WWOX: variants seen among roughly 807,000 people sequenced by gnomAD.
The protein encoded by WWOX is WW domain-containing oxidoreductase.
A neutral mutation model predicts 46.2 loss-of-function variants in WWOX; 69 were observed. That is an observed-to-expected ratio of 1.49 (90% CI 1.23 to 1.82). WWOX has a LOEUF of 1.82. Among genes scored for constraint, WWOX ranks in the 40% most tolerant of loss-of-function variants. The pLI is 0.00. For synonymous variants in WWOX, 359 were observed against 202.6 expected (o/e 1.77, Z -6.56); for missense variants, 919 against 542.6 (o/e 1.69, Z -6.89).
intron 8 of WWOX, among the ~76,000 whole-genome samples, chr16:78,488,565 G>C (rs1018365183): frequency 1.3e-5 from 2 of 152,122 alleles, no homozygotes; most frequent in Admixed American, 6.5e-5. Context: ...GCCCTACCTG[G>C]AGCCTGGGTC....
intron 8 of WWOX, among the ~76,000 whole-genome samples, chr16:78,797,339 A>G (rs188550016): frequency 4.2e-5 from 6 of 144,388 alleles, no homozygotes; most frequent in Middle Eastern, 7.0e-3. Flanking sequence ...AAGGTATGCA[A>G]TTTTAAGGGT....
At chr16:78,424,367 G>A (rs1021909863) in intron 6 of WWOX, among the ~76,000 whole-genome samples, 13 of 152,056 alleles carry the variant, frequency 8.5e-5, no homozygotes, top group Admixed American at 1.3e-4. Context: ...TGGTCCACCT[G>A]CCTTGGCCTC....
intron 8 of WWOX, among the ~76,000 whole-genome samples, chr16:78,685,592 A>T (rs1300358892): frequency 6.6e-6 from 1 of 152,248 alleles, no homozygotes; most frequent in African/African-American, 2.4e-5. Context: ...CAGTACGTAC[A>T]TAACTGTTCT....
chr16:78,893,784 C>T (rs933128148), intron 8 of WWOX, among the ~76,000 whole-genome samples: 2 of 152,144 alleles, frequency 1.3e-5, no homozygotes, highest in Non-Finnish European at 2.9e-5. Context: ...TTCCCTGCCC[C>T]TCTCACCTTC....
intron 8 of WWOX, among the ~76,000 whole-genome samples, chr16:78,853,217 AT>A (rs1382951352): frequency 2.0e-5 from 3 of 151,836 alleles, no homozygotes; most frequent in African/African-American, 7.3e-5. Context: ...AATTATTATT[AT>A]TTTTTTCTTT....
intron 8 of WWOX, among the ~76,000 whole-genome samples, chr16:78,906,082 G>C (rs543884630): frequency 3.3e-5 from 5 of 152,328 alleles, no homozygotes; most frequent in Admixed American, 2.6e-4. Context: ...TGTCTTCTTG[G>C]TTAGGGACCT....
At chr16:78,943,545 C>A (rs2045893390) in intron 8 of WWOX, among the ~76,000 whole-genome samples, 1 of 152,186 alleles carries the variant, frequency 6.6e-6, no homozygotes, top group African/African-American at 2.4e-5. Context: ...CAGCCTTGCT[C>A]TTGCAGTTTC....
intron 8 of WWOX, among the ~76,000 whole-genome samples, chr16:79,029,349 C>T (rs895196251): frequency 2.0e-5 from 3 of 152,222 alleles, no homozygotes; most frequent in East Asian, 1.9e-4. Context: ...GGTATGCAGT[C>T]TACATGCCTG....
chr16:78,862,456 A>G (rs925236135), intron 8 of WWOX, among the ~76,000 whole-genome samples: 5 of 151,892 alleles, frequency 3.3e-5, no homozygotes, highest in African/African-American at 9.7e-5. Flanking sequence ...ATAGTATTCA[A>G]TATAGATCTA....
intron 8 of WWOX, among the ~76,000 whole-genome samples, chr16:78,916,595 A>AAGACAAC (rs2045257563): frequency 6.6e-6 from 1 of 152,236 alleles, no homozygotes; most frequent in Non-Finnish European, 1.5e-5. Flanking sequence ...TAATTATACC[A>AAGACAAC]AGACAACAGA....
At chr16:78,766,388 G>T (rs186901643) in intron 8 of WWOX, among the ~76,000 whole-genome samples, 1 of 152,238 alleles carries the variant, frequency 6.6e-6, no homozygotes, top group East Asian at 1.9e-4. Context: ...TGAGGCTATG[G>T]CTTCAAAACC....
At chr16:78,400,706 C>T (rs866900214) in intron 6 of WWOX, among the ~76,000 whole-genome samples, 3 of 152,264 alleles carry the variant, frequency 2.0e-5, no homozygotes, top group Middle Eastern at 3.4e-3. Flanking sequence ...AAGCAGGGAT[C>T]ATTCTGGAGT....
chr16:78,226,344 C>G (rs1353739258), intron 5 of WWOX, among the ~76,000 whole-genome samples: 2 of 152,082 alleles, frequency 1.3e-5, no homozygotes, highest in East Asian at 3.9e-4. Flanking sequence ...TGTATTAAAT[C>G]TCAGCATTTT....
chr16:78,996,271 A>C, intron 8 of WWOX: 2 of 985,112 alleles, frequency 2.0e-6, no homozygotes, highest in Non-Finnish European at 2.4e-6. Context: ...ACCCCTTTTC[A>C]GCTGGGTGCT....
chr16:78,907,237 G>A (rs1008521502), intron 8 of WWOX, among the ~76,000 whole-genome samples: 1 of 152,114 alleles, frequency 6.6e-6, no homozygotes, highest in Non-Finnish European at 1.5e-5. Context: ...CTGGGTGGGG[G>A]GCAGGGCACA....
At chr16:78,836,492 T>A (rs1300501315) in intron 8 of WWOX, among the ~76,000 whole-genome samples, 1 of 152,174 alleles carries the variant, frequency 6.6e-6, no homozygotes, top group Admixed American at 6.5e-5. Flanking sequence ...GGATCTCACA[T>A]TGGTATTTTC....
At chr16:78,199,943 T>C in intron 5 of WWOX, among the ~76,000 whole-genome samples, 1 of 152,336 alleles carries the variant, frequency 6.6e-6, no homozygotes, top group African/African-American at 2.4e-5. Flanking sequence ...AGCCATTTCC[T>C]AGTAGGAAAA....
intron 5 of WWOX, among the ~76,000 whole-genome samples, chr16:78,315,325 A>T (rs1325888554): frequency 6.6e-6 from 1 of 152,158 alleles, no homozygotes; most frequent in Non-Finnish European, 1.5e-5. Context: ...CCTTTAGAGG[A>T]TAACTCTGTA....
intron 8 of WWOX, among the ~76,000 whole-genome samples, chr16:78,501,318 C>A: frequency 6.6e-6 from 1 of 150,566 alleles, no homozygotes. Context: ...AATGTTTTGG[C>A]ATTCTTTATG....
Sources: allele counts gnomAD v4.1 joint callset (sites outside exome capture counted in the v4.1 genomes callset), GRCh38; gene constraint gnomAD v4.1.1; transcripts MANE v1.5; gene names NCBI Gene and HGNC (gene_info 2026-07-23, HGNC 2026-07-21).